Variants in XKR4 observed in about 807,000 individuals in gnomAD.
The protein encoded by XKR4 is XK related 4.
A neutral mutation model predicts 53.9 loss-of-function variants in XKR4; 12 were observed. The observed-to-expected ratio is 0.22, with a 90% CI of 0.14 to 0.36. The LOEUF (loss-of-function observed/expected upper bound fraction) is 0.36. Among genes scored for constraint, XKR4 ranks in the 10% least tolerant of loss-of-function variants. The pLI is 1.00. For synonymous variants in XKR4, 354 were observed against 362.4 expected, an observed-to-expected ratio of 0.98 and a Z score of 0.26; for missense variants, 799 against 859.5, an observed-to-expected ratio of 0.93 and a Z score of 0.88.
chr8:55,448,494 G>A (rs559796539), intron 2 of XKR4, among the ~76,000 whole-genome samples: 10 of 152,350 alleles, frequency 6.6e-5, no homozygotes, highest in South Asian at 2.1e-4. Context: ...GCACATCTGC[G>A]TAATGTCTAG....
intron 1 of XKR4, among the ~76,000 whole-genome samples, chr8:55,291,276 TAA>T (rs781585380): frequency 1.3e-5 from 2 of 152,244 alleles, no homozygotes; most frequent in Non-Finnish European, 2.9e-5. Context: ...AGATGTATAA[TAA>T]GTCTTGAAAT....
intron 1 of XKR4, among the ~76,000 whole-genome samples, chr8:55,269,284 G>A (rs1038421219): frequency 2.8e-5 from 4 of 144,796 alleles, no homozygotes; most frequent in African/African-American, 1.0e-4. Context: ...TTTTTTTTTT[G>A]TTCTAAGCTG....
At chr8:55,334,849 C>G (rs1010800762) in intron 1 of XKR4, among the ~76,000 whole-genome samples, 2 of 152,134 alleles carry the variant, frequency 1.3e-5, no homozygotes, top group Non-Finnish European at 2.9e-5. Flanking sequence ...GACCTCTAGT[C>G]CTGTGTGAAA....
chr8:55,456,677 G>A (rs1417305099), intron 2 of XKR4, among the ~76,000 whole-genome samples: 4 of 152,174 alleles, frequency 2.6e-5, no homozygotes, highest in Non-Finnish European at 5.9e-5. Context: ...AATTTGAGAT[G>A]AGGGGAGAAA....
chr8:55,105,168 T>C (rs554536496), intron 1 of XKR4, among the ~76,000 whole-genome samples: 67 of 152,318 alleles, frequency 4.4e-4, no homozygotes, highest in Admixed American at 4.4e-3. Context: ...CTTTTAATTA[T>C]AGTTGTGTTT....
chr8:55,437,191 C>T (rs571544955), intron 2 of XKR4, among the ~76,000 whole-genome samples: 4 of 152,058 alleles, frequency 2.6e-5, no homozygotes, highest in Admixed American at 1.3e-4. Flanking sequence ...TCTTTTATAT[C>T]TTTTTTATTT....
At chr8:55,142,708 C>A (rs1248145427) in intron 1 of XKR4, among the ~76,000 whole-genome samples, 1 of 152,172 alleles carries the variant, frequency 6.6e-6, no homozygotes, top group Non-Finnish European at 1.5e-5. Context: ...CAGCAATCTT[C>A]TAGACTTTGA....
chr8:55,483,802 C>A (rs1441569716), intron 2 of XKR4, among the ~76,000 whole-genome samples: 2 of 150,028 alleles, frequency 1.3e-5, no homozygotes, highest in South Asian at 2.1e-4. Flanking sequence ...AAAATTAATG[C>A]AAAACAGGAG....
intron 1 of XKR4, among the ~76,000 whole-genome samples, chr8:55,118,822 G>T (rs1453086802): frequency 6.6e-6 from 1 of 150,880 alleles, no homozygotes; most frequent in African/African-American, 2.4e-5. Context: ...TGCAAAGTAT[G>T]TTTTTTTTTG....
intron 2 of XKR4, among the ~76,000 whole-genome samples, chr8:55,464,104 G>A (rs997666934): frequency 1.3e-5 from 2 of 152,124 alleles, no homozygotes; most frequent in African/African-American, 4.8e-5. Flanking sequence ...GAAAAAGAGG[G>A]AATCCTCCCT....
In XKR4 at chr8:55,157,069, C is replaced by G. The variant is rs1816918282; in HGVS notation, c.806+53775C>G. Among the ~76,000 whole-genome samples the G allele has an allele frequency of 3.3e-5, 5 of 152,222 alleles. No homozygotes were observed. In the South Asian group the frequency reaches 1.0e-3, roughly 32 times the overall value. ...ATGTTAGTGTCTGCTGTGAAAGCTTCTATAACAACTTTCCATGACCCAGTT... is the reference window on the plus strand; with the variant it reads ...ATGTTAGTGTCTGCTGTGAAAGCTTGTATAACAACTTTCCATGACCCAGTT... On this transcript the variant is annotated intron_variant, in intron 1 of 2. Transcript: ENST00000327381.
At chr8:55,329,719 A>G (rs1171084959) in intron 1 of XKR4, among the ~76,000 whole-genome samples, 1 of 152,170 alleles carries the variant, frequency 6.6e-6, no homozygotes, top group Non-Finnish European at 1.5e-5. Flanking sequence ...CATATGTTAT[A>G]AGGCTTTGTT....
At chr8:55,437,406 G>A (rs1805192220) in intron 2 of XKR4, among the ~76,000 whole-genome samples, 1 of 152,004 alleles carries the variant, frequency 6.6e-6, no homozygotes, top group African/African-American at 2.4e-5. Context: ...TTTGAATCAG[G>A]GTTAAGTAGA....
intron 2 of XKR4, among the ~76,000 whole-genome samples, chr8:55,374,215 C>T (rs540766257): frequency 2.0e-5 from 3 of 152,158 alleles, no homozygotes; most frequent in Non-Finnish European, 4.4e-5. Context: ...CACATTATTA[C>T]GATAAACATG....
At chr8:55,311,829 C>CAAAAA (rs57826022) in intron 1 of XKR4, among the ~76,000 whole-genome samples, 352 of 97,740 alleles carry the variant, frequency 3.6e-3, no homozygotes, top group Middle Eastern at 6.3e-3. Context: ...TGTAATTTAG[C>CAAAAA]AAAAAAAAAA....
Position 55,396,399 on chromosome 8 carries a change from G to GTTTTTTTTTTTTTTTTTTTTTTTTTTTT in XKR4, c.1006+38541_1006+38542insTTTTTTTTTTTTTTTTTTTTTTTTTTTT, listed in dbSNP as rs71256534. Among the ~76,000 whole-genome samples, 9 of 88,746 alleles carry GTTTTTTTTTTTTTTTTTTTTTTTTTTTT rather than the reference G, an allele frequency of 1.0e-4. 2 individuals carry two copies. The highest frequency in any genetic ancestry group is 3.9e-4 in the African/African-American group (8 of 20,330). 58.2% of individuals were successfully genotyped at this position (88,746 alleles called of 152,430 possible). A position where few individuals can be genotyped will look rare whatever the true frequency, so the allele number is the denominator to read the frequency against. ...TTTTTTTGTGTTTTTTTTTTGTTTG[G>GTTTTTTTTTTTTTTTTTTTTTTTTTTTT]TTTTTTTTTTTTTTTTTTTGCAGAG... On this transcript the variant is annotated intron_variant, in intron 2 of 2. Coordinates refer to ENST00000327381, the MANE Select transcript of XKR4 (RefSeq NM_052898.2).
chr8:55,255,811 T>A (rs1818431090), intron 1 of XKR4, among the ~76,000 whole-genome samples: 1 of 152,110 alleles, frequency 6.6e-6, no homozygotes, highest in Non-Finnish European at 1.5e-5. Flanking sequence ...TTGCCTGTGG[T>A]CAGAGCTGGT....
intron 1 of XKR4, among the ~76,000 whole-genome samples, chr8:55,317,955 T>C (rs1349097434): frequency 6.6e-6 from 1 of 152,124 alleles, no homozygotes; most frequent in African/African-American, 2.4e-5. Flanking sequence ...AGAAAACAGA[T>C]AGGAAGCCAG....
intron 1 of XKR4, among the ~76,000 whole-genome samples, chr8:55,219,626 C>T (rs553103403): frequency 7.0e-4 from 106 of 152,300 alleles, no homozygotes; most frequent in Middle Eastern, 3.4e-3. Context: ...GACCTCAAGT[C>T]TTGCAAACCA....
Sources: gnomAD v4.1 joint callset for allele counts (sites outside exome capture counted in the v4.1 genomes callset) on GRCh38, gnomAD v4.1.1 for gene constraint, MANE v1.5 for transcripts, NCBI Gene and HGNC (gene_info 2026-07-23, HGNC 2026-07-21) for gene names.